Variants in ZNF277 observed in about 807,000 individuals in gnomAD.
ZNF277 encodes the protein zinc finger protein 277.
ZNF277 carries 55 observed loss-of-function variants against 60.7 expected under a neutral mutation model. The observed-to-expected ratio is 0.91, with a 90% CI of 0.73 to 1.13. ZNF277 has a LOEUF of 1.13. ZNF277 is among the 50% of genes most tolerant of loss of function. The pLI, the probability that ZNF277 is intolerant of heterozygous loss-of-function variation, is 0.00. For missense variants in ZNF277, 510 were observed against 523.0 expected, an observed-to-expected ratio of 0.98 and a Z score of 0.24; for synonymous variants, 178 against 179.3, an observed-to-expected ratio of 0.99 and a Z score of 0.06.
chr7:112,261,661 C>A (rs922950988), intron 1 of ZNF277, among the ~76,000 whole-genome samples: 1 of 152,044 alleles, frequency 6.6e-6, no homozygotes, highest in African/African-American at 2.4e-5. Flanking sequence ...AATTTTTTAA[C>A]CTTTATGATC....
intron 1 of ZNF277, among the ~76,000 whole-genome samples, chr7:112,224,434 A>T (rs1335520081): frequency 6.6e-6 from 1 of 152,240 alleles, no homozygotes; most frequent in East Asian, 1.9e-4. Context: ...ACACCTCAGT[A>T]TAGAACTGGG....
chr7:112,277,362 G>A (rs958397429), intron 1 of ZNF277, among the ~76,000 whole-genome samples: 1 of 152,130 alleles, frequency 6.6e-6, no homozygotes, highest in Admixed American at 6.5e-5. Context: ...GATTATGGGC[G>A]TGAGCCACCA....
chr7:112,312,659 T>C (rs1473302007), intron 4 of ZNF277, among the ~76,000 whole-genome samples: 1 of 152,062 alleles, frequency 6.6e-6, no homozygotes, highest in Non-Finnish European at 1.5e-5. Flanking sequence ...CGAATGTAAA[T>C]ATTGAGTATA....
rs753976799 is a variant in ZNF277 at position 112,327,704 on chromosome 7, A to T, written c.558-13A>T. ...ATTTGTGAATAATCCTAATTGCTCA[A>T]ATTTCTTCCTAGATCTGTTATTTTG... On this transcript the variant is annotated splice_polypyrimidine_tract_variant and intron_variant, in intron 5 of 11. Transcript: ENST00000361822. 6.2e-7 allele frequency: 1 copy of T among 1,603,288 alleles called. No homozygotes were observed. Among genetic ancestry groups the T allele is most frequent in the Non-Finnish European group, 8.5e-7 (1 of 1,173,452 alleles).
intron 1 of ZNF277, among the ~76,000 whole-genome samples, chr7:112,276,130 C>T (rs1791787929): frequency 6.6e-6 from 1 of 152,174 alleles, no homozygotes; most frequent in African/African-American, 2.4e-5. Context: ...AGCTCCTGAA[C>T]TCATTGAGAG....
chr7:112,250,437 G>T (rs1042747610), intron 1 of ZNF277, among the ~76,000 whole-genome samples: 1 of 152,078 alleles, frequency 6.6e-6, no homozygotes, highest in Non-Finnish European at 1.5e-5. Flanking sequence ...TAAAGTACTT[G>T]ATGTCTGTGA....
At chr7:112,247,621 T>C (rs1791113884) in intron 1 of ZNF277, among the ~76,000 whole-genome samples, 1 of 152,130 alleles carries the variant, frequency 6.6e-6, no homozygotes, top group African/African-American at 2.4e-5. Flanking sequence ...GTTATATGAC[T>C]AAATGTTTTT....
intron 7 of ZNF277, among the ~76,000 whole-genome samples, chr7:112,332,118 G>C (rs949052540): frequency 6.6e-6 from 1 of 152,184 alleles, no homozygotes; most frequent in Non-Finnish European, 1.5e-5. Context: ...ATTTGATGTG[G>C]CGTGGACTAC....
intron 4 of ZNF277, among the ~76,000 whole-genome samples, chr7:112,296,561 A>G (rs1193245251): frequency 6.6e-6 from 1 of 152,056 alleles, no homozygotes; most frequent in African/African-American, 2.4e-5. Context: ...CTCTAAAATA[A>G]CAACAGAACT....
At chr7:112,209,006 G>T (rs895610805) in intron 1 of ZNF277, among the ~76,000 whole-genome samples, 1 of 152,102 alleles carries the variant, frequency 6.6e-6, no homozygotes, top group African/African-American at 2.4e-5. Flanking sequence ...AATAAAAAGG[G>T]ATAAATCTAT....
chr7:112,297,789 G>T (rs1273564093), intron 4 of ZNF277, among the ~76,000 whole-genome samples: 1 of 152,068 alleles, frequency 6.6e-6, no homozygotes, highest in Non-Finnish European at 1.5e-5. Context: ...TGCTAACAGT[G>T]GCCTTAAGAA....
chr7:112,284,481 C>T (rs370517802), intron 1 of ZNF277, among the ~76,000 whole-genome samples: 5 of 152,066 alleles, frequency 3.3e-5, no homozygotes, highest in East Asian at 1.9e-4. Context: ...TTCTGTTTTT[C>T]ACATTTGAGT....
At chr7:112,221,380 A>G (rs748046693) in intron 1 of ZNF277, among the ~76,000 whole-genome samples, 2 of 152,020 alleles carry the variant, frequency 1.3e-5, no homozygotes, top group African/African-American at 2.4e-5. Context: ...GCCTGCCACC[A>G]TCTCGGGAGC....
intron 1 of ZNF277, among the ~76,000 whole-genome samples, chr7:112,256,000 A>T (rs1791298825): frequency 6.6e-6 from 1 of 152,154 alleles, no homozygotes; most frequent in South Asian, 2.1e-4. Context: ...AACAAATGCC[A>T]TGTATTATCA....
At chr7:112,289,365 A>G (rs1387903595) in intron 2 of ZNF277, among the ~76,000 whole-genome samples, 3 of 152,160 alleles carry the variant, frequency 2.0e-5, no homozygotes, top group Non-Finnish European at 4.4e-5. Flanking sequence ...TCGACTCAGC[A>G]CTACTATTTT....
intron 1 of ZNF277, among the ~76,000 whole-genome samples, chr7:112,266,042 G>T (rs1791542589): frequency 6.6e-6 from 1 of 152,168 alleles, no homozygotes; most frequent in Non-Finnish European, 1.5e-5. Context: ...GCTCTGCTGT[G>T]CTTTTAAATG....
At chr7:112,326,135 C>CT (rs1793088736) in intron 5 of ZNF277, among the ~76,000 whole-genome samples, 2 of 152,152 alleles carry the variant, frequency 1.3e-5, no homozygotes, top group South Asian at 4.1e-4. Flanking sequence ...CCTAGATAGA[C>CT]TGAGGGTGAG....
intron 1 of ZNF277, among the ~76,000 whole-genome samples, chr7:112,258,586 G>T (rs556407570): frequency 1.2e-4 from 18 of 152,172 alleles, no homozygotes; most frequent in African/African-American, 3.9e-4. Flanking sequence ...CAAATAAGCG[G>T]CCTATGGCTA....
intron 1 of ZNF277, among the ~76,000 whole-genome samples, chr7:112,209,864 G>C (rs916838656): frequency 2.6e-5 from 4 of 152,114 alleles, no homozygotes; most frequent in Non-Finnish European, 5.9e-5. Context: ...GGATGAAGCT[G>C]AAAACCATCA....
Sources: allele counts gnomAD v4.1 joint callset (sites outside exome capture counted in the v4.1 genomes callset), GRCh38; gene constraint gnomAD v4.1.1; transcripts MANE v1.5; gene names NCBI Gene and HGNC (gene_info 2026-07-23, HGNC 2026-07-21).